The following ZNF385D variants were observed in gnomAD, a reference collection of about 807,000 sequenced individuals.
ZNF385D encodes the protein zinc finger protein 659.
ZNF385D carries 15 observed loss-of-function variants against 35.8 expected under a neutral mutation model. That is an observed-to-expected ratio of 0.42 (90% CI 0.28 to 0.64). ZNF385D has a LOEUF of 0.64. Ranked by LOEUF, ZNF385D falls within the 30% of genes least tolerant of loss-of-function variation. ZNF385D has a pLI of 0.23. For missense variants in ZNF385D, 474 were observed against 494.6 expected, an observed-to-expected ratio of 0.96 and a Z score of 0.39; for synonymous variants, 212 against 186.8, an observed-to-expected ratio of 1.13 and a Z score of -1.10.
intron 3 of ZNF385D, among the ~76,000 whole-genome samples, chr3:21,835,968 T>A (rs1455475646): frequency 6.6e-6 from 1 of 151,890 alleles, no homozygotes; most frequent in East Asian, 1.9e-4. Context: ...TGAGTTGAGG[T>A]GAGGAGTGAA....
chr3:21,853,337 C>T (rs965902384), intron 3 of ZNF385D, among the ~76,000 whole-genome samples: 2 of 151,634 alleles, frequency 1.3e-5, no homozygotes, highest in African/African-American at 4.8e-5. Context: ...GGTTTTAAAA[C>T]ATTTTTTAGG....
At chr3:21,750,493 T>C (rs2070014363) in intron 1 of ZNF385D, among the ~76,000 whole-genome samples, 1 of 152,002 alleles carries the variant, frequency 6.6e-6, no homozygotes, top group African/African-American at 2.4e-5. Context: ...CTGAATGAAA[T>C]GCTCATATTG....
chr3:22,025,010 T>G (rs1208543188), intron 3 of ZNF385D, among the ~76,000 whole-genome samples: 1 of 152,156 alleles, frequency 6.6e-6, no homozygotes, highest in African/African-American at 2.4e-5. Context: ...GTGCGCAGCC[T>G]CACCAGGGGT....
At chr3:21,733,957 C>G (rs1444760199) in intron 1 of ZNF385D, among the ~76,000 whole-genome samples, 1 of 152,040 alleles carries the variant, frequency 6.6e-6, no homozygotes, top group Non-Finnish European at 1.5e-5. Flanking sequence ...GTCTATTATT[C>G]AAGACCAAAT....
chr3:21,823,213 T>A (rs1694387530), intron 3 of ZNF385D, among the ~76,000 whole-genome samples: 1 of 152,146 alleles, frequency 6.6e-6, no homozygotes, highest in Admixed American at 6.5e-5. Context: ...GAGTAGGTAG[T>A]CCAGCATCTT....
chr3:21,863,442 A>G (rs535672808), intron 3 of ZNF385D, among the ~76,000 whole-genome samples: 1 of 152,298 alleles, frequency 6.6e-6, no homozygotes, highest in East Asian at 1.9e-4. Flanking sequence ...AAATGCTCAT[A>G]TCGAAAGTTT....
intron 3 of ZNF385D, among the ~76,000 whole-genome samples, chr3:21,783,954 A>C (rs1343679782): frequency 6.6e-6 from 1 of 152,214 alleles, no homozygotes; most frequent in Non-Finnish European, 1.5e-5. Flanking sequence ...TTCCAGAAAG[A>C]AAGTTGTGGC....
At chr3:21,584,046 T>G (rs2063743234) in intron 2 of ZNF385D, among the ~76,000 whole-genome samples, 1 of 151,960 alleles carries the variant, frequency 6.6e-6, no homozygotes. Flanking sequence ...TGATCTCGGC[T>G]CACTGCAACC....
chr3:22,206,724 A>G (rs1287825371), intron 2 of ZNF385D, among the ~76,000 whole-genome samples: 2 of 151,932 alleles, frequency 1.3e-5, no homozygotes, highest in Non-Finnish European at 2.9e-5. Context: ...ATTTCTTGAA[A>G]CAAATGATAA....
At chr3:22,008,360 C>CATTGTTTTTTT (rs773952386) in intron 3 of ZNF385D, among the ~76,000 whole-genome samples, 1 of 131,938 alleles carries the variant, frequency 7.6e-6, no homozygotes, top group Admixed American at 7.4e-5. Context: ...CCATGATTTT[C>CATTGTTTTTTT]TTTTTTTTTT....
intron 2 of ZNF385D, among the ~76,000 whole-genome samples, chr3:22,253,711 G>A (rs1346802198): frequency 6.6e-6 from 1 of 151,890 alleles, no homozygotes; most frequent in Non-Finnish European, 1.5e-5. Flanking sequence ...CTGCAAGAAT[G>A]ATTAGATAAG....
intron 4 of ZNF385D, among the ~76,000 whole-genome samples, chr3:21,464,123 T>C (rs1408910125): frequency 6.6e-6 from 1 of 152,194 alleles, no homozygotes; most frequent in African/African-American, 2.4e-5. Flanking sequence ...TTTTACTGAT[T>C]ACAATATTCT....
At position 21,564,615 on chromosome 3, in the gene ZNF385D, T is replaced by G; in HGVS notation, c.235A>C (p.Ile79Leu). The G allele has an allele frequency of 1.3e-6, 2 of 1,574,880 alleles. No individual in the cohort carries two copies. The highest frequency in any genetic ancestry group is 1.7e-6 in the Non-Finnish European group (2 of 1,159,606). Residue 79 changes from isoleucine to leucine, a missense_variant, in exon 3 of 8, where the codon ATC becomes CTC. Transcript: ENST00000281523. ...AACTGGCAAATGTTGCATGATATGA[T>G]TTGCTTTCTTCGGTGGGGAAGAGGA... ...GVPLPHRRKQIISCNICQLRF... is the reference protein window; with the variant it reads ...GVPLPHRRKQLISCNICQLRF...
At chr3:21,763,049 G>C (rs1575606902) in intron 3 of ZNF385D, among the ~76,000 whole-genome samples, 1 of 152,072 alleles carries the variant, frequency 6.6e-6, no homozygotes, top group Non-Finnish European at 1.5e-5. Context: ...ATAAAATTAA[G>C]TCCCAAGTAC....
chr3:22,152,742 C>T (rs1018644114), intron 3 of ZNF385D, among the ~76,000 whole-genome samples: 2 of 152,134 alleles, frequency 1.3e-5, no homozygotes, highest in Non-Finnish European at 1.5e-5. Context: ...AATTTGATCA[C>T]GTATGTGGAG....
chr3:22,139,416 C>T lies in ZNF385D; in HGVS notation c.325+29401G>A, dbSNP rs542857276. ...TTAAGAAAATGTGGCACATATACAC[C>T]ATGGAATACTATGCAGCCATAAAAA... On this transcript the variant is annotated intron_variant, in intron 3 of 5. Coordinates refer to the ZNF385D transcript ENST00000494108. Among the ~76,000 whole-genome samples, 781 of 152,130 alleles carry T rather than the reference C, an allele frequency of 5.1e-3. 5 individuals carry two copies. The highest frequency in any genetic ancestry group is 0.048 in the Middle Eastern group (14 of 294).
intron 4 of ZNF385D, among the ~76,000 whole-genome samples, chr3:21,457,664 C>A (rs1198642412): frequency 6.6e-6 from 1 of 152,042 alleles, no homozygotes; most frequent in African/African-American, 2.4e-5. Flanking sequence ...GGTTATAATT[C>A]TTTCAATGAC....
At chr3:22,362,476 C>CT (rs1362445370) in intron 2 of ZNF385D, among the ~76,000 whole-genome samples, 3 of 151,972 alleles carry the variant, frequency 2.0e-5, no homozygotes, top group Non-Finnish European at 4.4e-5. Flanking sequence ...TCCTCAAATA[C>CT]TTTTTTAACT....
intron 3 of ZNF385D, among the ~76,000 whole-genome samples, chr3:22,114,740 G>T (rs1268677953): frequency 6.6e-6 from 1 of 152,034 alleles, no homozygotes; most frequent in Non-Finnish European, 1.5e-5. Flanking sequence ...GCTAAAGTGT[G>T]AATGTTTGTG....
Sources: allele counts gnomAD v4.1 joint callset (sites outside exome capture counted in the v4.1 genomes callset), GRCh38; gene constraint gnomAD v4.1.1; transcripts MANE v1.5; gene names NCBI Gene and HGNC (gene_info 2026-07-23, HGNC 2026-07-21).